Variants in CNTNAP2 observed in about 807,000 individuals in gnomAD.
CNTNAP2 encodes contactin-associated protein-like 2.
CNTNAP2 carries 98 observed loss-of-function variants against 155.2 expected under a neutral mutation model. The observed-to-expected ratio is 0.63, with a 90% CI of 0.54 to 0.75. The LOEUF (loss-of-function observed/expected upper bound fraction) is 0.75, where lower values mean the gene tolerates loss of function less well. CNTNAP2 is among the 30% of genes least tolerant of loss of function. CNTNAP2 has a pLI of 0.00. For synonymous variants in CNTNAP2, 651 were observed against 631.2 expected (o/e 1.03, Z -0.47); for missense variants, 1,727 against 1,688.1 (o/e 1.02, Z -0.40).
intron 10 of CNTNAP2, among the ~76,000 whole-genome samples, chr7:147,466,176 G>GA (rs1272223079): frequency 6.6e-6 from 1 of 151,956 alleles, no homozygotes; most frequent in Non-Finnish European, 1.5e-5. Flanking sequence ...ATGATTGAAG[G>GA]AAAAAAGGGC....
At chr7:146,775,509 TA>T (rs1467721998) in intron 2 of CNTNAP2, among the ~76,000 whole-genome samples, 1 of 134,522 alleles carries the variant, frequency 7.4e-6, no homozygotes, top group Non-Finnish European at 1.6e-5. Context: ...ACCAATTCTA[TA>T]AATAAAAAAA....
At chr7:146,301,468 C>CA (rs145126694) in intron 1 of CNTNAP2, among the ~76,000 whole-genome samples, 8,472 of 151,506 alleles carry the variant, frequency 0.056, 515 homozygotes, top group African/African-American at 0.15. Context: ...ACTAAAAATA[C>CA]AAAAAAAATT....
chr7:147,760,148 GC>G (rs1046552670), intron 13 of CNTNAP2, among the ~76,000 whole-genome samples: 65 of 151,920 alleles, frequency 4.3e-4, no homozygotes, highest in African/African-American at 1.5e-3. Flanking sequence ...AAATGTGTGT[GC>G]CCCTCTCCAT....
At chr7:147,602,368 T>C (rs114606747) in intron 12 of CNTNAP2, among the ~76,000 whole-genome samples, 40,689 of 151,752 alleles carry the variant, frequency 0.27, 5,886 homozygotes, top group African/African-American at 0.35. Flanking sequence ...TATTTTTTTT[T>C]TTTTTTTACT....
At chr7:146,927,276 C>G (rs2129221615) in intron 3 of CNTNAP2, among the ~76,000 whole-genome samples, 1 of 152,170 alleles carries the variant, frequency 6.6e-6, no homozygotes, top group South Asian at 2.1e-4. Flanking sequence ...TTGTAGAAAA[C>G]TGTTTTTTAG....
intron 1 of CNTNAP2, among the ~76,000 whole-genome samples, chr7:146,336,415 A>G (rs540022136): frequency 5.0e-4 from 76 of 152,208 alleles, no homozygotes; most frequent in Admixed American, 1.8e-3. Context: ...TCTCAATTTG[A>G]TTGTAATTTA....
intron 13 of CNTNAP2, among the ~76,000 whole-genome samples, chr7:147,856,764 G>C (rs1799047358): frequency 6.6e-6 from 1 of 152,080 alleles, no homozygotes; most frequent in Non-Finnish European, 1.5e-5. Flanking sequence ...ATACAGAACA[G>C]CTAAAATTCC....
At chr7:147,025,012 C>G (rs1024781059) in intron 3 of CNTNAP2, among the ~76,000 whole-genome samples, 192 of 151,686 alleles carry the variant, frequency 1.3e-3, no homozygotes, top group African/African-American at 4.4e-3. Context: ...GGCTGGGCGC[C>G]GTGGCTCAAG....
intron 12 of CNTNAP2, among the ~76,000 whole-genome samples, chr7:147,598,899 G>T (rs1418107844): frequency 6.6e-6 from 1 of 152,108 alleles, no homozygotes; most frequent in Non-Finnish European, 1.5e-5. Context: ...ACCATGTGGA[G>T]AAGGACATGT....
intron 1 of CNTNAP2, among the ~76,000 whole-genome samples, chr7:146,727,314 G>A (rs1023826555): frequency 6.6e-6 from 1 of 152,096 alleles, no homozygotes; most frequent in Admixed American, 6.6e-5. Flanking sequence ...AAGCTTAGGT[G>A]GTGTACTTGG....
chr7:146,934,487 T>C (rs1258732359), intron 3 of CNTNAP2, among the ~76,000 whole-genome samples: 1 of 150,100 alleles, frequency 6.7e-6, no homozygotes, highest in Non-Finnish European at 1.5e-5. Flanking sequence ...ATAGGAGATA[T>C]ACCTAATGCT....
intron 1 of CNTNAP2, among the ~76,000 whole-genome samples, chr7:146,662,225 C>A (rs879864457): frequency 3.3e-5 from 5 of 152,096 alleles, no homozygotes; most frequent in Non-Finnish European, 5.9e-5. Context: ...GAAACCTCCA[C>A]CTCCCGGGTT....
At chr7:146,135,243 A>G (rs1393674199) in intron 1 of CNTNAP2, among the ~76,000 whole-genome samples, 1 of 152,078 alleles carries the variant, frequency 6.6e-6, no homozygotes, top group Non-Finnish European at 1.5e-5. Flanking sequence ...TAATTATGAT[A>G]TCTCATTTTT....
intron 13 of CNTNAP2, among the ~76,000 whole-genome samples, chr7:147,729,591 A>G (rs987281705): frequency 6.6e-6 from 1 of 152,044 alleles, no homozygotes; most frequent in Non-Finnish European, 1.5e-5. Flanking sequence ...TGTACAAAAA[A>G]GAAAAAGAAA....
intron 14 of CNTNAP2, among the ~76,000 whole-genome samples, chr7:147,924,648 T>G (rs927452698): frequency 6.6e-6 from 1 of 151,994 alleles, no homozygotes. Context: ...AAAAGGGGAA[T>G]GAGTGTGATG....
At chr7:146,204,841 A>G (rs1562989155) in intron 1 of CNTNAP2, among the ~76,000 whole-genome samples, 1 of 152,018 alleles carries the variant, frequency 6.6e-6, no homozygotes, top group Non-Finnish European at 1.5e-5. Context: ...TATTTTTACC[A>G]TGCAATGGGA....
chr7:147,705,600 T>A (rs1298788624), intron 13 of CNTNAP2, among the ~76,000 whole-genome samples: 1 of 152,126 alleles, frequency 6.6e-6, no homozygotes, highest in East Asian at 1.9e-4. Context: ...CCTTTTAATT[T>A]TTTTGATAAT....
intron 13 of CNTNAP2, among the ~76,000 whole-genome samples, chr7:147,734,781 T>C (rs548484570): frequency 1.3e-5 from 2 of 152,362 alleles, no homozygotes; most frequent in African/African-American, 4.8e-5. Flanking sequence ...CCATGTCTTC[T>C]GGATTTTCTA....
intron 1 of CNTNAP2, among the ~76,000 whole-genome samples, chr7:146,158,828 T>G: frequency 6.6e-6 from 1 of 152,084 alleles, no homozygotes; most frequent in East Asian, 1.9e-4. Flanking sequence ...CTGGATATTA[T>G]CCAGGAGAAC....
Sources: gnomAD v4.1 joint callset for allele counts (sites outside exome capture counted in the v4.1 genomes callset) on GRCh38, gnomAD v4.1.1 for gene constraint, MANE v1.5 for transcripts, NCBI Gene and HGNC (gene_info 2026-07-23, HGNC 2026-07-21) for gene names.